SLFN12L: variants seen among roughly 807,000 people sequenced by gnomAD.
SLFN12L encodes schlafen family member 12-like.
A neutral mutation model predicts 34.8 loss-of-function variants in SLFN12L; 34 were observed. That is an observed-to-expected ratio of 0.98 (90% confidence interval 0.74 to 1.30). The LOEUF (loss-of-function observed/expected upper bound fraction) is 1.30, where lower values mean the gene tolerates loss of function less well. SLFN12L is among the 50% of genes most tolerant of loss of function. SLFN12L has a pLI of 0.00. For missense variants in SLFN12L, 703 were observed against 696.2 expected (o/e 1.01, Z -0.11); for synonymous variants, 259 against 247.5 (o/e 1.05, Z -0.44).
intron 1 of SLFN12L, among the ~76,000 whole-genome samples, chr17:35,529,410 G>A (rs975456545): frequency 6.6e-6 from 1 of 152,244 alleles, no homozygotes; most frequent in Admixed American, 6.5e-5. Context: ...GTTTATTGTG[G>A]CACTATTCAC....
chr17:35,495,278 G>T (rs950050182), intron 2 of SLFN12L, among the ~76,000 whole-genome samples: 1 of 152,028 alleles, frequency 6.6e-6, no homozygotes, highest in Non-Finnish European at 1.5e-5. Context: ...CTTCAATTTT[G>T]GACTAGCAAG....
chr17:35,474,955 CAAACAAACAAAAACG>C lies in SLFN12L; in HGVS notation c.1792_1806del (p.Arg598_Phe602del), dbSNP rs1281409409. 1 of 1,550,650 alleles carries C rather than the reference CAAACAAACAAAAACG, an allele frequency of 6.4e-7. No homozygotes were observed. The highest frequency in any genetic ancestry group is 8.7e-7 in the Non-Finnish European group (1 of 1,146,672). ...AAGAAAAAACAAACAAACCAACAAA[CAAACAAACAAAAACG>C]AAACAAACAAACAAACAAAAAGATT... On this transcript the variant is annotated inframe_deletion, in exon 5 of 5. Coordinates refer to ENST00000628453, the MANE Select transcript of SLFN12L (RefSeq NM_001363830.2).
chr17:35,519,673 G>T (rs1044847050), intron 2 of SLFN12L, among the ~76,000 whole-genome samples: 1 of 152,082 alleles, frequency 6.6e-6, no homozygotes, highest in African/African-American at 2.4e-5. Context: ...GATCAACCTG[G>T]CAAACACTTT....
At chr17:35,487,877 G>A (rs781166031) in intron 2 of SLFN12L, 97 of 925,082 alleles carry the variant, frequency 1.0e-4, no homozygotes, top group Non-Finnish European at 1.5e-4. Flanking sequence ...GGCACCGCAC[G>A]CGCTGTTATC....
intron 2 of SLFN12L, among the ~76,000 whole-genome samples, chr17:35,497,314 C>T (rs1915120309): frequency 6.6e-6 from 1 of 152,094 alleles, no homozygotes; most frequent in Non-Finnish European, 1.5e-5. Flanking sequence ...TCGCTTGAAC[C>T]CGGGAGGCGG....
chr17:35,508,748 G>A (rs1434887180), intron 2 of SLFN12L, among the ~76,000 whole-genome samples: 1 of 151,414 alleles, frequency 6.6e-6, no homozygotes, highest in Non-Finnish European at 1.5e-5. Context: ...TCTTTTCCTT[G>A]GAGACAGTTT....
In SLFN12L at chr17:35,476,456, A is replaced by AGGAG. The variant is rs1366773361; in HGVS notation, c.1277-972_1277-971insCTCC. On this transcript the variant is annotated intron_variant, in intron 4 of 4. Transcript: ENST00000628453. ...TCACAAAAAGAAAGAAAAGAAAGCA[A>AGGAG]GGAAGGAAGGAAGGAAGGAAGGAAG... Among the ~76,000 whole-genome samples the AGGAG allele has an allele frequency of 4.6e-4, 8 of 17,268 alleles. 1 individual carries two copies. The East Asian group carries it at 9.3e-3, about 20-fold the overall frequency. The allele number at this position is 17,268 out of a possible 152,430, so 11.3% of individuals were successfully genotyped here. A position where few individuals can be genotyped will look rare whatever the true frequency, so the allele number is the denominator to read the frequency against.
chr17:35,499,318 G>A (rs748920848), intron 2 of SLFN12L: 21 of 591,288 alleles, frequency 3.6e-5, no homozygotes, highest in Non-Finnish European at 5.3e-5. Context: ...CATGTAACCT[G>A]TAGCCATTGA....
chr17:35,520,335 C>T lies in SLFN12L; in HGVS notation c.86+1944G>A, dbSNP rs546423567. 5.9e-5 allele frequency among the ~76,000 whole-genome samples: 9 copies of T among 152,306 alleles called. No individual in the cohort carries two copies. The South Asian group carries it at 8.3e-4, about 14-fold the overall frequency. ...ACCATGGACTGCTTCTGGCTGGTTT[C>T]GATTCTGAGCACTTGAGTGCCTTCT... On this transcript the variant is annotated intron_variant, in intron 2 of 4. Transcript: ENST00000628453.
chr17:35,527,551 C>T (rs556071181), intron 1 of SLFN12L, among the ~76,000 whole-genome samples: 28 of 152,210 alleles, frequency 1.8e-4, no homozygotes, highest in African/African-American at 5.5e-4. Context: ...GTTGAACATA[C>T]GCAAATCAAT....
chr17:35,489,567 A>T (rs889077725), intron 2 of SLFN12L, among the ~76,000 whole-genome samples: 3 of 150,538 alleles, frequency 2.0e-5, no homozygotes, highest in African/African-American at 7.5e-5. Flanking sequence ...ATATATGTAC[A>T]TATATATATG....
chr17:35,492,757 G>A (rs559771344), intron 2 of SLFN12L, among the ~76,000 whole-genome samples: 2 of 152,322 alleles, frequency 1.3e-5, no homozygotes, highest in African/African-American at 2.4e-5. Context: ...GCAGGTGGCA[G>A]TGGTCATCTC....
intron 2 of SLFN12L, chr17:35,490,253 T>C: frequency 6.5e-7 from 1 of 1,537,198 alleles, no homozygotes. Context: ...CGGTCATCAG[T>C]ACCTCTCGGA....
rs1191435372 is a variant in SLFN12L, at chr17:35,467,409, T to C, written c.*7514A>G. Among the ~76,000 whole-genome samples, 2 of 152,214 alleles carry C rather than the reference T, an allele frequency of 1.3e-5. No individual in the cohort carries two copies. Among genetic ancestry groups the C allele is most frequent in the Admixed American group, 1.3e-4 (2 of 15,288 alleles). ...ATACCCAAAATCACGTGTCTATGTATATTAAGGCCACCATATGAGGCCTTA... is the reference window on the plus strand; with the variant it reads ...ATACCCAAAATCACGTGTCTATGTACATTAAGGCCACCATATGAGGCCTTA... On this transcript the variant is annotated 3_prime_UTR_variant, in exon 5 of 5. Transcript: ENST00000628453.
chr17:35,501,436 A>G (rs1322546028), intron 2 of SLFN12L, among the ~76,000 whole-genome samples: 3 of 151,980 alleles, frequency 2.0e-5, no homozygotes, highest in Non-Finnish European at 4.4e-5. Context: ...TTTGTTTTTG[A>G]CTTGACTTGG....
chr17:35,533,407 C>T (rs778695796), intron 1 of SLFN12L, among the ~76,000 whole-genome samples: 13 of 152,148 alleles, frequency 8.5e-5, no homozygotes, highest in African/African-American at 1.2e-4. Flanking sequence ...ACAAAACAAA[C>T]CTGGTCCCTG....
chr17:35,468,433 T>A lies in SLFN12L; in HGVS notation c.*6490A>T, dbSNP rs114205066. 1.9e-3 allele frequency among the ~76,000 whole-genome samples: 291 copies of A among 152,308 alleles called. 1 individual carries two copies. Among genetic ancestry groups the A allele is most frequent in the African/African-American group, 6.4e-3 (267 of 41,572 alleles). On this transcript the variant is annotated 3_prime_UTR_variant, in exon 5 of 5. Coordinates refer to ENST00000628453, the MANE Select transcript of SLFN12L (RefSeq NM_001363830.2). ...ATTATGCTGCCTCAGATGACATCGA[T>A]CCAGCTTACCGTCAGAGATGAATTT...
intron 1 of SLFN12L, among the ~76,000 whole-genome samples, chr17:35,524,810 A>G (rs2072318298): frequency 1.3e-5 from 2 of 152,158 alleles, no homozygotes; most frequent in South Asian, 4.1e-4. Context: ...CCTCCAAAGG[A>G]TCACAACTCC....
chr17:35,484,661 G>A (rs1199149494), intron 2 of SLFN12L, among the ~76,000 whole-genome samples: 4 of 152,186 alleles, frequency 2.6e-5, no homozygotes, highest in Non-Finnish European at 4.4e-5. Flanking sequence ...CTCATGGCTA[G>A]GTCCTATTCC....
Sources: allele counts gnomAD v4.1 joint callset (sites outside exome capture counted in the v4.1 genomes callset), GRCh38; gene constraint gnomAD v4.1.1; transcripts MANE v1.5; gene names NCBI Gene and HGNC (gene_info 2026-07-23, HGNC 2026-07-21).